The following ENTREP2 variants were observed in gnomAD, a reference collection of about 807,000 sequenced individuals.
The protein encoded by ENTREP2 is protein ENTREP2.
chr15:29,126,426 G>A, the ENTREP2 span: 13 of 1,549,928 alleles, frequency 8.4e-6, no homozygotes, highest in East Asian at 2.7e-4. Context: ...GGGCCATCGG[G>A]GGATGGGCTG....
the ENTREP2 span, among the ~76,000 whole-genome samples, chr15:29,508,819 G>A: frequency 1.3e-5 from 2 of 152,304 alleles, no homozygotes; most frequent in African/African-American, 2.4e-5. Context: ...AAAGCCGGAA[G>A]CATTCCCTTT....
At chr15:29,147,122 G>C in the ENTREP2 span, among the ~76,000 whole-genome samples, 2 of 152,184 alleles carry the variant, frequency 1.3e-5, no homozygotes, top group African/African-American at 2.4e-5. Context: ...CAGGGTGGGA[G>C]AGAAATTTAC....
At chr15:29,237,266 T>C in the ENTREP2 span, among the ~76,000 whole-genome samples, 1 of 152,216 alleles carries the variant, frequency 6.6e-6, no homozygotes, top group Non-Finnish European at 1.5e-5. Context: ...TACATGTGGC[T>C]CACTAATATT....
the ENTREP2 span, among the ~76,000 whole-genome samples, chr15:29,402,964 G>A: frequency 1.3e-5 from 2 of 152,158 alleles, no homozygotes; most frequent in Admixed American, 6.5e-5. Context: ...AGAGGTGGAC[G>A]GGGCCAGACA....
the ENTREP2 span, among the ~76,000 whole-genome samples, chr15:29,589,145 G>C: frequency 0.17 from 26,222 of 152,078 alleles, 2,385 homozygotes; most frequent in African/African-American, 0.22. Flanking sequence ...TGTCATTGGG[G>C]CCAGGCACGT....
the ENTREP2 span, among the ~76,000 whole-genome samples, chr15:29,119,995 G>GC: frequency 6.6e-6 from 1 of 152,380 alleles, no homozygotes; most frequent in South Asian, 2.1e-4. Flanking sequence ...CCTCCCAGCA[G>GC]CCCTTGGAGG....
At chr15:29,643,795 A>AAAGAAAG in the ENTREP2 span, among the ~76,000 whole-genome samples, 35 of 148,078 alleles carry the variant, frequency 2.4e-4, no homozygotes, top group African/African-American at 9.0e-4. Flanking sequence ...AAAAAAAAAA[A>AAAGAAAG]AAAGAAAGAA....
the ENTREP2 span, among the ~76,000 whole-genome samples, chr15:29,135,642 C>G: frequency 1.8e-4 from 27 of 152,316 alleles, no homozygotes; most frequent in East Asian, 5.2e-3. This position sits in a 1 kb window ranked among gnomAD's most constrained non-coding sequence, Gnocchi z 7.4. Flanking sequence ...GTCCCATAAC[C>G]CTGGTACTGT....
the ENTREP2 span, among the ~76,000 whole-genome samples, chr15:29,119,695 A>AT: frequency 9.6e-4 from 133 of 138,140 alleles, 9 homozygotes; most frequent in African/African-American, 3.9e-3. Context: ...AAAAAAAAAA[A>AT]GAATGAAAAG....
the ENTREP2 span, among the ~76,000 whole-genome samples, chr15:29,606,469 T>C: frequency 0.3 from 44,969 of 151,714 alleles, 8,606 homozygotes; most frequent in African/African-American, 0.54. Flanking sequence ...CTCCTGACCT[T>C]GTGATCCACC....
chr15:29,622,872 G>T, the ENTREP2 span, among the ~76,000 whole-genome samples: 29 of 152,348 alleles, frequency 1.9e-4, no homozygotes, highest in Non-Finnish European at 4.1e-4. Flanking sequence ...CCAGATGGCA[G>T]AGAGCGGTGT....
the ENTREP2 span, among the ~76,000 whole-genome samples, chr15:29,207,349 A>G: frequency 1.3e-5 from 2 of 151,856 alleles, no homozygotes; most frequent in Non-Finnish European, 2.9e-5. Context: ...ACAGCTCTTA[A>G]AGATTGCACG....
At chr15:29,270,098 G>C in the ENTREP2 span, among the ~76,000 whole-genome samples, 1 of 152,026 alleles carries the variant, frequency 6.6e-6, no homozygotes, top group Non-Finnish European at 1.5e-5. Flanking sequence ...ATTTGTAAAC[G>C]GAAAGAATTC....
At chr15:29,568,710 CAAAAAAAAAA>C in the ENTREP2 span, among the ~76,000 whole-genome samples, 52 of 128,228 alleles carry the variant, frequency 4.1e-4, 1 homozygote, top group Admixed American at 7.9e-4. Context: ...CCTCTTAAGG[CAAAAAAAAAA>C]AAAAAAAAAA....
chr15:29,619,380 G>A, the ENTREP2 span, among the ~76,000 whole-genome samples: 2 of 152,132 alleles, frequency 1.3e-5, no homozygotes, highest in Non-Finnish European at 2.9e-5. Context: ...GTGACAGAGC[G>A]AGACTCCATC....
the ENTREP2 span, among the ~76,000 whole-genome samples, chr15:29,552,069 T>A: frequency 6.6e-6 from 1 of 152,152 alleles, no homozygotes; most frequent in Non-Finnish European, 1.5e-5. Flanking sequence ...TCTCCTAAAT[T>A]GGACAGCATG....
chr15:29,208,655 T>G, the ENTREP2 span, among the ~76,000 whole-genome samples: 3 of 152,178 alleles, frequency 2.0e-5, no homozygotes, highest in African/African-American at 7.2e-5. Context: ...CTACCAAAGC[T>G]AAACATACCT....
the ENTREP2 span, among the ~76,000 whole-genome samples, chr15:29,522,170 A>C: frequency 6.6e-6 from 1 of 152,236 alleles, no homozygotes; most frequent in Non-Finnish European, 1.5e-5. Flanking sequence ...ACATGAAACT[A>C]TAAAATCTGT....
chr15:29,410,358 T>C, the ENTREP2 span, among the ~76,000 whole-genome samples: 1 of 152,094 alleles, frequency 6.6e-6, no homozygotes, highest in Non-Finnish European at 1.5e-5. Context: ...AGAGAACTAA[T>C]TGGCTCCTGC....
Sources: allele counts gnomAD v4.1 joint callset (sites outside exome capture counted in the v4.1 genomes callset), GRCh38; gene constraint gnomAD v4.1.1; non-coding constraint Gnocchi (gnomAD v3.1); transcripts MANE v1.5; gene names NCBI Gene and HGNC (gene_info 2026-07-23, HGNC 2026-07-21).